Variants in CEP128 observed in about 807,000 individuals in gnomAD.
CEP128 encodes centrosomal protein 128kDa.
CEP128 carries 132 observed loss-of-function variants against 156.7 expected under a neutral mutation model. The observed-to-expected ratio is 0.84, with a 90% confidence interval of 0.73 to 0.97. CEP128 has a LOEUF of 0.97. Ranked by LOEUF, CEP128 falls within the 50% of genes least tolerant of loss-of-function variation. CEP128 has a pLI of 0.00. For missense variants in CEP128, 1,252 were observed against 1,281.9 expected (o/e 0.98, Z 0.36); for synonymous variants, 469 against 448.9 (o/e 1.04, Z -0.57).
chr14:80,552,309 C>A (rs965817327), intron 21 of CEP128, among the ~76,000 whole-genome samples: 156 of 137,392 alleles, frequency 1.1e-3, no homozygotes, highest in African/African-American at 3.2e-3. Context: ...AACTCCATCT[C>A]AAAAAAAAAA....
At chr14:80,553,079 C>CT (rs144285422) in intron 21 of CEP128, among the ~76,000 whole-genome samples, 28,956 of 122,062 alleles carry the variant, frequency 0.24, 2,865 homozygotes, top group South Asian at 0.32. Context: ...TTCTTTCTTT[C>CT]TTTCTTTTTT....
intron 19 of CEP128, among the ~76,000 whole-genome samples, chr14:80,614,015 A>C (rs909151649): frequency 1.6e-4 from 24 of 152,270 alleles, no homozygotes; most frequent in Non-Finnish European, 2.8e-4. Context: ...ATAATTTTGC[A>C]GAATAAAATT....
chr14:80,944,858 CA>C (rs1406205250), upstream of CEP128, among the ~76,000 whole-genome samples: 22 of 54,992 alleles, frequency 4.0e-4, no homozygotes, highest in Non-Finnish European at 6.6e-4. Context: ...AAAAAAAAAA[CA>C]GAAAAAACAG....
chr14:80,947,121 T>C (rs1886364402), intron 2 of CEP128, among the ~76,000 whole-genome samples: 1 of 152,186 alleles, frequency 6.6e-6, no homozygotes, highest in Admixed American at 6.5e-5. Context: ...TTAAACCTCT[T>C]TTCTTCACAA....
chr14:80,514,974 T>C lies in CEP128; in HGVS notation c.3073-9954A>G, dbSNP rs372009109. On this transcript the variant is annotated intron_variant, in intron 23 of 24. Transcript: ENST00000555265. ...CTGAAGCCCAGTATCACTGTGAGTC[T>C]TGCAGACTCATAGAGGTATTGCGTG... 2.3e-4 allele frequency among the ~76,000 whole-genome samples: 35 copies of C among 152,356 alleles called. 1 individual carries two copies. Among genetic ancestry groups the C allele is most frequent in the African/African-American group, 7.5e-4 (31 of 41,596 alleles).
intron 2 of CEP128, among the ~76,000 whole-genome samples, chr14:80,951,468 C>T (rs190899623): frequency 3.4e-4 from 52 of 152,102 alleles, no homozygotes; most frequent in African/African-American, 9.6e-4. Context: ...ATAACTTAAA[C>T]GTACATGCTA....
chr14:80,647,505 T>A (rs1209126732), intron 19 of CEP128, among the ~76,000 whole-genome samples: 1 of 152,110 alleles, frequency 6.6e-6, no homozygotes, highest in East Asian at 1.9e-4. Context: ...ATTTTTAAAA[T>A]AGACTCTATA....
At chr14:80,510,547 C>T (rs1229276049) in intron 23 of CEP128, among the ~76,000 whole-genome samples, 1 of 151,906 alleles carries the variant, frequency 6.6e-6, no homozygotes, top group Non-Finnish European at 1.5e-5. Context: ...CATCAGCAAA[C>T]AAGAATAATT....
chr14:80,530,379 C>T (rs550417164), intron 22 of CEP128, among the ~76,000 whole-genome samples: 22 of 152,264 alleles, frequency 1.4e-4, no homozygotes, highest in African/African-American at 4.6e-4. Flanking sequence ...GTGAAATTTA[C>T]GTGGATTTGA....
intron 14 of CEP128, among the ~76,000 whole-genome samples, chr14:80,786,964 TGAG>T (rs1163771965): frequency 1.8e-4 from 28 of 152,098 alleles, no homozygotes; most frequent in Non-Finnish European, 2.8e-4. Context: ...ACGGGATAAC[TGAG>T]GAGAAGGAAC....
chr14:80,932,941 C>T (rs1270882199), intron 2 of CEP128, among the ~76,000 whole-genome samples: 1 of 152,040 alleles, frequency 6.6e-6, no homozygotes, highest in Admixed American at 6.6e-5. Context: ...AGAAGGAAGG[C>T]GCTTCTCTTT....
At chr14:80,841,598 A>G (rs1886351353) in intron 9 of CEP128, among the ~76,000 whole-genome samples, 1 of 152,040 alleles carries the variant, frequency 6.6e-6, no homozygotes, top group Non-Finnish European at 1.5e-5. Context: ...TATATTACAT[A>G]TATTCAAAAT....
chr14:80,925,792 A>T (rs1885111460), intron 2 of CEP128, among the ~76,000 whole-genome samples: 2 of 152,136 alleles, frequency 1.3e-5, no homozygotes, highest in African/African-American at 4.8e-5. Context: ...ATAAACCAGG[A>T]GGAAAACTGG....
rs578070926 is a variant in CEP128 at position 80,805,697 on chromosome 14, T to C, written c.1210-12587A>G. On this transcript the variant is annotated intron_variant, in intron 13 of 24. Transcript: ENST00000555265. Reference sequence around the variant, plus strand: ...TTTATTCATTTCAGTATAATTTGAGTGTTTCATGAACTGATACTGAGAGCA... The same window carrying C: ...TTTATTCATTTCAGTATAATTTGAGCGTTTCATGAACTGATACTGAGAGCA... Among the ~76,000 whole-genome samples, 10 of 152,302 alleles carry C rather than the reference T, an allele frequency of 6.6e-5. No individual in the cohort carries two copies. In the South Asian group the frequency reaches 2.1e-3, roughly 32 times the overall value.
At position 80,900,394 on chromosome 14, in the gene CEP128, T is replaced by G. The variant is rs372429603; in HGVS notation, c.481-365A>C. On this transcript the variant is annotated intron_variant, in intron 6 of 24. Transcript: ENST00000555265. Reference sequence around the variant, plus strand: ...CTGTAAAGGGCCCAATAGCGACTATTCCAGGATTACAAGCTATATGGTCTC... The same window carrying G: ...CTGTAAAGGGCCCAATAGCGACTATGCCAGGATTACAAGCTATATGGTCTC... Among the ~76,000 whole-genome samples, 4 of 152,298 alleles carry G rather than the reference T, an allele frequency of 2.6e-5. No individual in the cohort carries two copies. The South Asian group carries it at 8.3e-4, about 32-fold the overall frequency.
chr14:80,706,789 A>G lies in CEP128; in HGVS notation c.2806+36286T>C, dbSNP rs1897252403. Among the ~76,000 whole-genome samples, 2 of 151,862 alleles carry G rather than the reference A, an allele frequency of 1.3e-5. 1 individual carries two copies. The highest frequency in any genetic ancestry group is 2.9e-5 in the Non-Finnish European group (2 of 67,952). On this transcript the variant is annotated intron_variant, in intron 19 of 24. Transcript: ENST00000555265. The stretch of plus-strand genomic sequence containing the variant: ...TGATATAAACATTGAGTCTTTTGTT[A>G]TTGTCCCTGTGGCTCTGTTCTTTTT...
At chr14:80,546,423 T>C (rs1889988310) in intron 21 of CEP128, among the ~76,000 whole-genome samples, 1 of 152,210 alleles carries the variant, frequency 6.6e-6, no homozygotes, top group African/African-American at 2.4e-5. Flanking sequence ...TGTCACTTAA[T>C]TCCTACACTT....
chr14:80,787,857 G>C (rs563951291), intron 14 of CEP128, among the ~76,000 whole-genome samples: 11 of 152,262 alleles, frequency 7.2e-5, no homozygotes, highest in African/African-American at 2.2e-4. Flanking sequence ...AAAAAGCAAA[G>C]ATATTTCTTT....
intron 19 of CEP128, among the ~76,000 whole-genome samples, chr14:80,662,197 T>C (rs1895429153): frequency 6.6e-6 from 1 of 152,134 alleles, no homozygotes; most frequent in South Asian, 2.1e-4. Flanking sequence ...CAAAAATATT[T>C]AGGAAAGTTA....
Sources: allele counts gnomAD v4.1 joint callset (sites outside exome capture counted in the v4.1 genomes callset), GRCh38; gene constraint gnomAD v4.1.1; transcripts MANE v1.5; gene names NCBI Gene and HGNC (gene_info 2026-07-23, HGNC 2026-07-21).